Variants in ADAMTS17 observed in about 807,000 individuals in gnomAD.
The protein encoded by ADAMTS17 is A disintegrin and metalloproteinase with thrombospondin motifs 17.
A neutral mutation model predicts 141.5 loss-of-function variants in ADAMTS17; 113 were observed. That is an observed-to-expected ratio of 0.80 (90% CI 0.69 to 0.93). The LOEUF (loss-of-function observed/expected upper bound fraction) is 0.93, where lower values mean the gene tolerates loss of function less well. Among genes scored for constraint, ADAMTS17 ranks in the 40% least tolerant of loss-of-function variants. The probability of loss-of-function intolerance (pLI) is 0.00; values close to 1 mark genes in which losing one functional copy is unlikely to be tolerated. For synonymous variants in ADAMTS17, 768 were observed against 630.6 expected (o/e 1.22, Z -3.27); for missense variants, 1,659 against 1,517.9 (o/e 1.09, Z -1.54).
At chr15:100,223,960 T>G (rs1207512017) in intron 7 of ADAMTS17, among the ~76,000 whole-genome samples, 1 of 152,114 alleles carries the variant, frequency 6.6e-6, no homozygotes, top group South Asian at 2.1e-4. Context: ...CAGTGTTCAA[T>G]GGCAGGAAGC....
At chr15:100,306,124 C>A (rs2045216029) in intron 3 of ADAMTS17, 1 of 192,844 alleles carries the variant, frequency 5.2e-6, no homozygotes, top group Non-Finnish European at 1.1e-5. Flanking sequence ...TGTCTCTGAT[C>A]CCTCTGCACA....
At chr15:100,015,408 CT>C (rs1388341399) in intron 18 of ADAMTS17, among the ~76,000 whole-genome samples, 1 of 150,242 alleles carries the variant, frequency 6.7e-6, no homozygotes, top group Non-Finnish European at 1.5e-5. Flanking sequence ...GTGTACCTTG[CT>C]TTTTTTTGTT....
chr15:100,161,312 C>G (rs1271508215), intron 8 of ADAMTS17, among the ~76,000 whole-genome samples: 2 of 152,198 alleles, frequency 1.3e-5, no homozygotes, highest in African/African-American at 2.4e-5. Context: ...TCAGCTTTAC[C>G]TGGCTCTGAC....
rs7172834 is a variant in ADAMTS17 at position 100,253,967 on chromosome 15, T to A, written c.1075+169A>T. ...GCCTTCTGCCATCAATAACTTCAAA[T>A]CATTTCAGGAAAATAAAAAAAGGAA... is the stretch of plus-strand genomic sequence containing the variant. On this transcript the variant is annotated intron_variant, in intron 7 of 21. Transcript: ENST00000268070. 0.76 allele frequency among the ~76,000 whole-genome samples: 115,386 copies of A among 151,826 alleles called. 44,093 individuals are homozygous for A. Among genetic ancestry groups the A allele is most frequent in the East Asian group, 0.87 (4,505 of 5,156 alleles).
chr15:100,160,652 C>G (rs955990219), intron 8 of ADAMTS17, among the ~76,000 whole-genome samples: 1 of 152,130 alleles, frequency 6.6e-6, no homozygotes, highest in Middle Eastern at 3.2e-3. Context: ...TGTGGCCAAC[C>G]GAAGCACACC....
rs60088820 is a variant in ADAMTS17, at chr15:100,191,308, C to T, written c.1181+8010G>A. On this transcript the variant is annotated intron_variant, in intron 8 of 21. Transcript: ENST00000268070. ...TCTGGGGGCAGAGGAAGCCTCTCCA[C>T]GGCTGGACTTCCTACCGTGACGCTG... 5.9e-3 allele frequency among the ~76,000 whole-genome samples: 906 copies of T among 152,366 alleles called. 23 individuals are homozygous for T. In the East Asian group the frequency reaches 0.08, roughly 14 times the overall value.
chr15:100,131,913 G>A (rs971874583), intron 12 of ADAMTS17, 94 bp downstream of exon 12: 151 of 1,582,612 alleles, frequency 9.5e-5, no homozygotes, highest in African/African-American at 2.6e-4. Flanking sequence ...AATGCTCAGC[G>A]GGAGACAGAC....
At chr15:99,975,978 C>A in intron 21 of ADAMTS17, 67 bp downstream of exon 21, 1 of 1,487,794 alleles carries the variant, frequency 6.7e-7, no homozygotes, top group Non-Finnish European at 9.0e-7. Context: ...ACCTCACCGT[C>A]AGGGAGGACT....
At chr15:100,236,277 C>G (rs1002168511) in intron 7 of ADAMTS17, among the ~76,000 whole-genome samples, 3 of 102,626 alleles carry the variant, frequency 2.9e-5, no homozygotes, top group Non-Finnish European at 5.5e-5. Flanking sequence ...ATGTCACCCA[C>G]GACATTAAAA....
At chr15:100,183,764 T>A (rs913480148) in intron 8 of ADAMTS17, among the ~76,000 whole-genome samples, 1 of 152,226 alleles carries the variant, frequency 6.6e-6, no homozygotes, top group African/African-American at 2.4e-5. Context: ...CAGCAAGCCA[T>A]CACACTGTTT....
chr15:100,101,769 T>C (rs1295328766), intron 14 of ADAMTS17, among the ~76,000 whole-genome samples: 11 of 152,252 alleles, frequency 7.2e-5, no homozygotes, highest in Admixed American at 7.2e-4. Flanking sequence ...GTTTTGATGG[T>C]ACTTGTTTTT....
chr15:100,132,119 G>C lies in ADAMTS17; in HGVS notation c.1609C>G (p.Pro537Ala). Residue 537 changes from proline (P) to alanine (A), a missense_variant, in exon 12 of 22, where the codon CCC (proline) becomes GCC (alanine). Pro to Ala is a conservative substitution (Grantham distance 27). Transcript: ENST00000268070. ...CRAGECVSKT[P>A]IPEHVDGDWS... ...TCTCCGTCCACATGCTCCGGGATGG[G>C]CGTCTTGCTCACGCACTCCCCCGCG... The C allele has an allele frequency of 6.2e-7, 1 of 1,614,058 alleles. No homozygotes were observed. Among genetic ancestry groups the C allele is most frequent in the Middle Eastern group, 1.6e-4 (1 of 6,062 alleles).
At chr15:100,131,871 ACCTTGGCTGGGTTTCATTTT>A in intron 12 of ADAMTS17, 116 bp downstream of exon 12, 1 of 1,357,668 alleles carries the variant, frequency 7.4e-7, no homozygotes, top group Non-Finnish European at 1.0e-6. Flanking sequence ...TGCACCCTGG[ACCTTGGCTGGGTTTCATTTT>A]CCATATCTTC....
At chr15:100,043,635 CA>C (rs1474667417) in intron 18 of ADAMTS17, among the ~76,000 whole-genome samples, 2 of 152,062 alleles carry the variant, frequency 1.3e-5, no homozygotes, top group Non-Finnish European at 2.9e-5. Flanking sequence ...GGGCGAATAA[CA>C]AATTTTACAT....
chr15:99,986,568 C>A (rs2060590901), intron 20 of ADAMTS17, among the ~76,000 whole-genome samples: 1 of 152,182 alleles, frequency 6.6e-6, no homozygotes, highest in African/African-American at 2.4e-5. Context: ...CCACTGGCAC[C>A]AGGGGGTCAA....
intron 15 of ADAMTS17, among the ~76,000 whole-genome samples, chr15:100,080,481 C>A (rs1164722639): frequency 1.3e-5 from 2 of 152,136 alleles, no homozygotes; most frequent in African/African-American, 4.8e-5. Context: ...GAAACTACAA[C>A]AGCCCAATCC....
At chr15:100,205,976 C>T (rs141317777) in intron 7 of ADAMTS17, among the ~76,000 whole-genome samples, 99 of 152,332 alleles carry the variant, frequency 6.5e-4, no homozygotes, top group African/African-American at 1.6e-3. Context: ...CACTGAGCCA[C>T]GCACCCACTG....
chr15:100,090,926 T>C (rs1282381185), intron 15 of ADAMTS17, among the ~76,000 whole-genome samples: 1 of 146,442 alleles, frequency 6.8e-6, no homozygotes, highest in Non-Finnish European at 1.5e-5. Context: ...GGGAATAGCT[T>C]GAACCCGGGA....
chr15:100,084,120 T>A (rs2034932540), intron 15 of ADAMTS17, among the ~76,000 whole-genome samples: 1 of 152,132 alleles, frequency 6.6e-6, no homozygotes, highest in Non-Finnish European at 1.5e-5. Flanking sequence ...AGACGGCACC[T>A]GGAAAATCGG....
Sources: allele counts gnomAD v4.1 joint callset (sites outside exome capture counted in the v4.1 genomes callset), GRCh38; gene constraint gnomAD v4.1.1; transcripts MANE v1.5; gene names NCBI Gene and HGNC (gene_info 2026-07-23, HGNC 2026-07-21).